Variants in DMD observed in about 807,000 individuals in gnomAD.
DMD encodes dystrophin.
In DMD, 63 loss-of-function variants were observed where a neutral mutation model predicts 330.1. The ratio of observed to expected loss-of-function variants is 0.19; its 90% CI spans 0.16 to 0.24. The LOEUF (loss-of-function observed/expected upper bound fraction) is 0.24, where lower values mean the gene tolerates loss of function less well. DMD is among the 10% of genes least tolerant of loss of function. The pLI, the probability that DMD is intolerant of heterozygous loss-of-function variation, is 1.00. For synonymous variants in DMD, 1,223 were observed against 959.8 expected, an observed-to-expected ratio of 1.27 and a Z score of -5.07; for missense variants, 3,344 against 2,684.1, an observed-to-expected ratio of 1.25 and a Z score of -5.43.
At chrX:32,502,565 G>T (rs749483894) in intron 18 of DMD, among the ~76,000 whole-genome samples, 1 of 111,942 alleles carries the variant, frequency 8.9e-6, no homozygotes, top group Non-Finnish European at 1.9e-5. Context: ...CTATGACAGA[G>T]TAGAACTACA....
intron 1 of DMD, among the ~76,000 whole-genome samples, chrX:33,193,793 A>G (rs1190100946): frequency 8.9e-6 from 1 of 111,803 alleles, no homozygotes; most frequent in Non-Finnish European, 1.9e-5. Flanking sequence ...ATTATACCCA[A>G]AAAATTAAGT....
chrX:33,207,021 A>G (rs1407246554), intron 1 of DMD, among the ~76,000 whole-genome samples: 1 of 110,177 alleles, frequency 9.1e-6, no homozygotes, highest in Non-Finnish European at 1.9e-5. Context: ...TTCCTCCTCC[A>G]ACCCTCTACC....
At position 32,175,564 on chromosome X, in the gene DMD, C is replaced by T. The variant is rs536387928; in HGVS notation, c.6438+41352G>A. Among the ~76,000 whole-genome samples, 9 of 110,833 alleles carry T rather than the reference C, an allele frequency of 8.1e-5. No homozygotes were observed. The South Asian group carries it at 1.6e-3, about 19-fold the overall frequency. Reference sequence around the variant, plus strand: ...CACCTTTAAGAGCTGTAACAGTCACCGCAGAGGTCCGTGGCTTCGTTCTTG... The same window carrying T: ...CACCTTTAAGAGCTGTAACAGTCACTGCAGAGGTCCGTGGCTTCGTTCTTG... On this transcript the variant is annotated intron_variant, in intron 44 of 78. Coordinates refer to ENST00000357033, the MANE Select transcript of DMD (RefSeq NM_004006.3).
At chrX:32,890,527 A>G (rs1351714166) in intron 2 of DMD, among the ~76,000 whole-genome samples, 1 of 110,770 alleles carries the variant, frequency 9.0e-6, no homozygotes, top group African/African-American at 3.3e-5. Flanking sequence ...TTGAGACTAC[A>G]CCTTGGAGGA....
rs143848649 is a variant in DMD at position 31,364,173 on chromosome X, C to T, written c.9085-15539G>A. ...GGCTTCCCTTGTTCAATTCTGCTTC[C>T]ACCCCTATTTCTTCACAGGTGTTAT... On this transcript the variant is annotated intron_variant, in intron 60 of 78. Coordinates refer to ENST00000357033, the MANE Select transcript of DMD (RefSeq NM_004006.3). 2.6e-3 allele frequency among the ~76,000 whole-genome samples: 289 copies of T among 112,516 alleles called. 1 individual carries two copies. Among genetic ancestry groups the T allele is most frequent in the African/African-American group, 8.9e-3 (277 of 31,039 alleles).
chrX:33,059,947 C>T (rs982004577), intron 1 of DMD, among the ~76,000 whole-genome samples: 3 of 111,777 alleles, frequency 2.7e-5, no homozygotes, highest in African/African-American at 9.8e-5. Context: ...AGAATTTCTG[C>T]CAGTGATACC....
chrX:31,634,174 C>T (rs2079279468), intron 54 of DMD, among the ~76,000 whole-genome samples: 2 of 112,334 alleles, frequency 1.8e-5, no homozygotes, highest in East Asian at 5.6e-4. Context: ...AGATATTCTC[C>T]TACCCAAACT....
chrX:32,180,018 G>T (rs775317292), intron 44 of DMD, among the ~76,000 whole-genome samples: 19 of 111,417 alleles, frequency 1.7e-4, no homozygotes, highest in Non-Finnish European at 3.6e-4. Context: ...CTAATACATA[G>T]GATTATTGAG....
intron 44 of DMD, among the ~76,000 whole-genome samples, chrX:32,033,509 T>C (rs2095903238): frequency 9.2e-6 from 1 of 108,513 alleles, no homozygotes; most frequent in South Asian, 3.9e-4. Flanking sequence ...TTTATTTTAT[T>C]GTATCAAGTG....
intron 62 of DMD, among the ~76,000 whole-genome samples, chrX:31,263,007 G>GGGAGAAAGGAAGAGC (rs1262904663): frequency 1.8e-5 from 2 of 112,708 alleles, no homozygotes; most frequent in Admixed American, 9.3e-5. Context: ...ATAAGCACCA[G>GGGAGAAAGGAAGAGC]GGAGAAAGGA....
Position 31,186,468 on chromosome X carries a change from T to C in DMD, c.9808-3564A>G, listed in dbSNP as rs2041786928. Among the ~76,000 whole-genome samples, 3 of 111,197 alleles carry C rather than the reference T, an allele frequency of 2.7e-5. No homozygotes were observed. In the South Asian group the frequency reaches 1.1e-3, roughly 42 times the overall value. ...TAAATGATGAGAACACATGGGCAGATAGAGGGGAAAAACACACACTGTGGC... is the reference window on the plus strand; with the variant it reads ...TAAATGATGAGAACACATGGGCAGACAGAGGGGAAAAACACACACTGTGGC... On this transcript the variant is annotated intron_variant, in intron 67 of 78. Transcript: ENST00000357033.
chrX:33,288,677 G>T (rs540454772), intron 1 of DMD, among the ~76,000 whole-genome samples: 1 of 111,137 alleles, frequency 9.0e-6, no homozygotes, highest in African/African-American at 3.3e-5. Context: ...CCCTAAGTTC[G>T]CTAATTCTTC....
At chrX:32,682,087 G>A (rs2062467514) in intron 9 of DMD, among the ~76,000 whole-genome samples, 1 of 111,649 alleles carries the variant, frequency 9.0e-6, no homozygotes, top group African/African-American at 3.3e-5. Flanking sequence ...AATCACGATG[G>A]TGTTTTGGAT....
intron 1 of DMD, among the ~76,000 whole-genome samples, chrX:33,278,981 C>T (rs2053279110): frequency 9.0e-6 from 1 of 111,349 alleles, no homozygotes; most frequent in Non-Finnish European, 1.9e-5. Context: ...TGGGGGACTT[C>T]AACAACCTAC....
intron 50 of DMD, among the ~76,000 whole-genome samples, chrX:31,786,463 T>G (rs2091303339): frequency 9.0e-6 from 1 of 111,539 alleles, no homozygotes. Flanking sequence ...TTCCAATGGT[T>G]CTGATATATT....
chrX:32,536,278 A>AAAAAAAAAAAC, intron 17 of DMD, among the ~76,000 whole-genome samples: 1 of 108,005 alleles, frequency 9.3e-6, no homozygotes, highest in African/African-American at 3.4e-5. Flanking sequence ...AAAAAAAAAA[A>AAAAAAAAAAAC]AAAAAAAAAA....
intron 13 of DMD, among the ~76,000 whole-genome samples, chrX:32,579,769 C>A (rs748342702): frequency 1.1e-3 from 124 of 112,744 alleles, no homozygotes; most frequent in Middle Eastern, 4.6e-3. Flanking sequence ...GAACATGTGG[C>A]CTTTGCAGGA....
intron 13 of DMD, among the ~76,000 whole-genome samples, chrX:32,578,903 T>A (rs779453490): frequency 8.9e-6 from 1 of 111,937 alleles, no homozygotes; most frequent in Non-Finnish European, 1.9e-5. Context: ...AATACACTTC[T>A]CTGCTAAATG....
Position 32,386,312 on chromosome X carries a change from T to G in DMD, c.4672A>C (p.Lys1558Gln), listed in dbSNP as rs779458962. ...TTGTGGTCTCAGCATGCACACACCT[T>G]TGCTCCCAGCTCATTATAATGCAAT... ...LKLHYNELGA[K>Q]VTERKQQLEK... Residue 1558 changes from lysine to glutamine, a missense_variant and splice_region_variant, in exon 33 of 79, where the codon AAG becomes CAG. Lys to Gln is a moderately conservative substitution (Grantham distance 53). Coordinates refer to ENST00000357033, the MANE Select transcript of DMD (RefSeq NM_004006.3). The G allele has an allele frequency of 8.3e-7, 1 of 1,208,954 alleles. No individual in the cohort carries two copies. Among genetic ancestry groups the G allele is most frequent in the African/African-American group, 1.7e-5 (1 of 57,566 alleles).
Sources: gnomAD v4.1 joint callset for allele counts (sites outside exome capture counted in the v4.1 genomes callset) on GRCh38, gnomAD v4.1.1 for gene constraint, MANE v1.5 for transcripts, NCBI Gene and HGNC (gene_info 2026-07-23, HGNC 2026-07-21) for gene names.